FAM149B1: variants seen among roughly 807,000 people sequenced by gnomAD.
FAM149B1 encodes family with sequence similarity 149 member B1.
FAM149B1 carries 56 observed loss-of-function variants against 75.3 expected under a neutral mutation model. That is an observed-to-expected ratio of 0.74 (90% CI 0.60 to 0.93). The LOEUF (loss-of-function observed/expected upper bound fraction) is 0.93, where lower values mean the gene tolerates loss of function less well. Among genes scored for constraint, FAM149B1 ranks in the 40% least tolerant of loss-of-function variants. The probability of loss-of-function intolerance (pLI) is 0.00; values close to 1 mark genes in which losing one functional copy is unlikely to be tolerated. For synonymous variants in FAM149B1, 259 were observed against 256.1 expected (o/e 1.01, Z -0.11); for missense variants, 639 against 708.4 (o/e 0.90, Z 1.11).
intron 5 of FAM149B1, among the ~76,000 whole-genome samples, chr10:73,207,507 T>G (rs1329034711): frequency 2.0e-5 from 3 of 151,446 alleles, no homozygotes; most frequent in Admixed American, 6.6e-5. Context: ...GAGGTTGCAG[T>G]GGGCCGAGAC....
intron 1 of FAM149B1, among the ~76,000 whole-genome samples, chr10:73,170,897 C>A (rs538251551): frequency 2.2e-4 from 33 of 151,804 alleles, no homozygotes; most frequent in African/African-American, 7.7e-4. Flanking sequence ...TAAAAAAAAT[C>A]TTGTATGGAA....
chr10:73,175,188 C>T (rs892889579), intron 2 of FAM149B1, among the ~76,000 whole-genome samples: 3 of 152,036 alleles, frequency 2.0e-5, no homozygotes, highest in Non-Finnish European at 2.9e-5. Context: ...TGGCAAACCC[C>T]ATCTCTACAA....
In FAM149B1 at chr10:73,230,682, G is replaced by C; in HGVS notation, c.1127+157G>C. On this transcript the variant is annotated intron_variant, in intron 9 of 13. Coordinates refer to ENST00000242505, the MANE Select transcript of FAM149B1 (RefSeq NM_173348.2). ...AAGGGACATGGTCTCCACCATCAGG[G>C]GGCTGATAATGTAACTGGAAAGAGA... 8.9e-6 allele frequency: 5 copies of C among 564,774 alleles called. No homozygotes were observed. In the South Asian group the frequency reaches 1.1e-4, roughly 12 times the overall value. The allele number at this position is 564,774 out of a possible 1,614,324, so 35.0% of individuals were successfully genotyped here.
chr10:73,200,567 GA>G, intron 5 of FAM149B1: 1 of 749,496 alleles, frequency 1.3e-6, no homozygotes, highest in Non-Finnish European at 2.2e-6. Flanking sequence ...TGAAGCAGAT[GA>G]AATGTTCAGC....
At chr10:73,184,574 G>A (rs1287880478) in intron 3 of FAM149B1, among the ~76,000 whole-genome samples, 1 of 152,136 alleles carries the variant, frequency 6.6e-6, no homozygotes, top group Non-Finnish European at 1.5e-5. Context: ...ATTATACAAG[G>A]TATGTTCTCC....
At chr10:73,174,969 T>G (rs1325176233) in intron 2 of FAM149B1, among the ~76,000 whole-genome samples, 178 bp downstream of exon 2, 1 of 152,178 alleles carries the variant, frequency 6.6e-6, no homozygotes, top group African/African-American at 2.4e-5. Context: ...ATCATACATA[T>G]TTTCATAACC....
intron 10 of FAM149B1, 31 bp downstream of exon 10, chr10:73,233,194 C>A: frequency 7.1e-7 from 1 of 1,414,404 alleles, no homozygotes; most frequent in Non-Finnish European, 9.8e-7. Context: ...TTCTGGAAAC[C>A]GTGGTAAAAC....
intron 2 of FAM149B1, among the ~76,000 whole-genome samples, chr10:73,176,118 A>G (rs769974868): frequency 1.7e-4 from 26 of 152,286 alleles, no homozygotes; most frequent in Middle Eastern, 3.4e-3. Flanking sequence ...AGATGGTTCC[A>G]TCCGGGGATG....
chr10:73,222,722 T>C (rs1480669633), intron 7 of FAM149B1, among the ~76,000 whole-genome samples: 1 of 152,186 alleles, frequency 6.6e-6, no homozygotes, highest in Non-Finnish European at 1.5e-5. Context: ...ACTTTCATTA[T>C]CTGATATACA....
chr10:73,168,508 TCTC>T (rs1374660825), intron 1 of FAM149B1, 122 bp downstream of exon 1: 1 of 1,205,384 alleles, frequency 8.3e-7, no homozygotes, highest in Non-Finnish European at 1.2e-6. Context: ...TTCGGAATTC[TCTC>T]CTCTCAGCCC....
chr10:73,219,156 T>C (rs2043355248), intron 7 of FAM149B1, among the ~76,000 whole-genome samples: 1 of 152,120 alleles, frequency 6.6e-6, no homozygotes, highest in African/African-American at 2.4e-5. Context: ...AATGAATTCA[T>C]TTACAATAGT....
intron 7 of FAM149B1, among the ~76,000 whole-genome samples, chr10:73,219,943 A>G (rs1363134070): frequency 1.3e-5 from 2 of 151,978 alleles, no homozygotes; most frequent in East Asian, 3.9e-4. Flanking sequence ...TATAAAAGAC[A>G]TTATCAAGGA....
At chr10:73,229,543 C>G (rs1440043831) in intron 8 of FAM149B1, among the ~76,000 whole-genome samples, 1 of 152,138 alleles carries the variant, frequency 6.6e-6, no homozygotes, top group African/African-American at 2.4e-5. Context: ...CCACTGCACT[C>G]CAACCTGGGT....
chr10:73,223,822 T>C (rs2043472786), intron 7 of FAM149B1, among the ~76,000 whole-genome samples: 1 of 152,112 alleles, frequency 6.6e-6, no homozygotes. Flanking sequence ...TTAATTTTTT[T>C]GAGACACAGG....
chr10:73,168,368 T>C lies in FAM149B1; in HGVS notation c.29T>C (p.Val10Ala). Reference protein sequence around the residue: MISRYTRKAVPQSLELKGIT... With the variant: MISRYTRKAAPQSLELKGIT... ...ATCTCCAGATACACTCGGAAGGCGGTGCCACAGAGCTTGGAGCTGTGAGTG... is the reference window on the plus strand; with the variant it reads ...ATCTCCAGATACACTCGGAAGGCGGCGCCACAGAGCTTGGAGCTGTGAGTG... Residue 10 changes from valine (V) to alanine (A), a missense_variant, in exon 1 of 14, where the codon GTG becomes GCG. Transcript: ENST00000242505. 6.5e-7 allele frequency: 1 copy of C among 1,549,772 alleles called. No homozygotes were observed. Among genetic ancestry groups the C allele is most frequent in the Non-Finnish European group, 8.7e-7 (1 of 1,146,774 alleles).
intron 7 of FAM149B1, among the ~76,000 whole-genome samples, chr10:73,227,272 G>C (rs1202612853): frequency 4.6e-5 from 7 of 151,764 alleles, no homozygotes; most frequent in Admixed American, 1.3e-4. Flanking sequence ...TTTTTTTGTA[G>C]AGATGGCGGT....
chr10:73,202,590 G>A (rs911374474), intron 5 of FAM149B1, among the ~76,000 whole-genome samples: 6 of 151,520 alleles, frequency 4.0e-5, no homozygotes, highest in Admixed American at 6.6e-5. Context: ...GAGCCACCAC[G>A]CCTGGCTAAT....
chr10:73,170,975 A>ATTTT (rs199626934), intron 1 of FAM149B1, among the ~76,000 whole-genome samples: 1 of 144,588 alleles, frequency 6.9e-6, no homozygotes, highest in Non-Finnish European at 1.5e-5. Flanking sequence ...TTTTCTTTCT[A>ATTTT]TTTTTTTTTT....
Position 73,213,148 on chromosome 10 carries a change from G to A in FAM149B1, c.898+2710G>A, listed in dbSNP as rs568197835. Among the ~76,000 whole-genome samples the A allele has an allele frequency of 1.1e-4, 17 of 152,150 alleles. No individual in the cohort carries two copies. In the East Asian group the frequency reaches 3.3e-3, roughly 29 times the overall value. On this transcript the variant is annotated intron_variant, in intron 7 of 13. Coordinates refer to ENST00000242505, the MANE Select transcript of FAM149B1 (RefSeq NM_173348.2). ...AGGCATGAGCCACCATGCCCAGCCT[G>A]TTCATATTCTTTTTCCCCTTTTAAA...
Sources: allele counts gnomAD v4.1 joint callset (sites outside exome capture counted in the v4.1 genomes callset), GRCh38; gene constraint gnomAD v4.1.1; transcripts MANE v1.5; gene names NCBI Gene and HGNC (gene_info 2026-07-23, HGNC 2026-07-21).